Variants in PDSS2 observed in about 807,000 individuals in gnomAD.
PDSS2 encodes the protein decaprenyl diphosphate synthase subunit 2.
Under a neutral mutation model 44.5 loss-of-function variants are expected in PDSS2, and 31 were observed. The observed-to-expected ratio is 0.70, with a 90% confidence interval of 0.52 to 0.94. PDSS2 has a LOEUF of 0.94. Among genes scored for constraint, PDSS2 ranks in the 40% least tolerant of loss-of-function variants. The probability of loss-of-function intolerance (pLI) is 0.00; values close to 1 mark genes in which losing one functional copy is unlikely to be tolerated. For missense variants in PDSS2, 452 were observed against 482.2 expected, an observed-to-expected ratio of 0.94 and a Z score of 0.59; for synonymous variants, 157 against 180.3, an observed-to-expected ratio of 0.87 and a Z score of 1.03.
intron 1 of PDSS2, among the ~76,000 whole-genome samples, chr6:107,359,843 G>A (rs965232961): frequency 2.6e-5 from 4 of 151,974 alleles, no homozygotes; most frequent in African/African-American, 9.7e-5. Context: ...GGAGAGATGG[G>A]GATCTTTCAT....
intron 3 of PDSS2, among the ~76,000 whole-genome samples, chr6:107,249,964 G>T (rs1774758470): frequency 6.6e-6 from 1 of 152,112 alleles, no homozygotes; most frequent in Non-Finnish European, 1.5e-5. Context: ...TTAATTTACA[G>T]GACAAATTTC....
intron 6 of PDSS2, among the ~76,000 whole-genome samples, chr6:107,204,988 G>A (rs1161363780): frequency 6.6e-6 from 1 of 152,126 alleles, no homozygotes; most frequent in East Asian, 1.9e-4. Context: ...TACCTTCTAT[G>A]ATAGAGGATG....
chr6:107,358,108 A>T (rs1273911393), intron 1 of PDSS2, among the ~76,000 whole-genome samples: 2 of 152,202 alleles, frequency 1.3e-5, no homozygotes, highest in Non-Finnish European at 2.9e-5. Context: ...ACCTCATGTG[A>T]CAGGTTGCAG....
chr6:107,453,960 C>T (rs535725191), intron 1 of PDSS2, among the ~76,000 whole-genome samples: 1 of 152,248 alleles, frequency 6.6e-6, no homozygotes, highest in East Asian at 1.9e-4. Context: ...AGCTCATTAA[C>T]CACAAGTCAT....
intron 6 of PDSS2, among the ~76,000 whole-genome samples, chr6:107,201,584 GA>G (rs948145174): frequency 6.6e-6 from 1 of 152,098 alleles, no homozygotes; most frequent in African/African-American, 2.4e-5. Context: ...AACAAAGAAG[GA>G]TTGGATGACA....
rs538000068 is a variant in PDSS2 at position 107,260,954 on chromosome 6, G to A, written c.630+13075C>T. 5.6e-4 allele frequency among the ~76,000 whole-genome samples: 85 copies of A among 152,222 alleles called. 1 individual carries two copies. Among genetic ancestry groups the A allele is most frequent in the South Asian group, 1.9e-3 (9 of 4,816 alleles). On this transcript the variant is annotated intron_variant, in intron 3 of 7. Coordinates refer to ENST00000369037, the MANE Select transcript of PDSS2 (RefSeq NM_020381.4). ...TGGGATTACAGGCTTGAGCCATCGC[G>A]CCTGGCCCCCCCTCCATTTTCATGG...
At chr6:107,171,853 C>T (rs1554248671) in intron 7 of PDSS2, among the ~76,000 whole-genome samples, 1 of 152,128 alleles carries the variant, frequency 6.6e-6, no homozygotes, top group East Asian at 1.9e-4. Context: ...TTCCTGCCTT[C>T]ATCTACATTT....
chr6:107,254,748 C>T (rs771265398), intron 3 of PDSS2, among the ~76,000 whole-genome samples: 5 of 152,198 alleles, frequency 3.3e-5, no homozygotes, highest in Non-Finnish European at 7.3e-5. Context: ...GCTTCTTCAT[C>T]TGGAGACCCT....
chr6:107,276,776 GATAA>G (rs1775797377), intron 2 of PDSS2, among the ~76,000 whole-genome samples: 1 of 152,142 alleles, frequency 6.6e-6, no homozygotes, highest in Admixed American at 6.5e-5. Flanking sequence ...AAACAGGCTT[GATAA>G]ATGTTTTTGC....
At chr6:107,313,592 A>T (rs553894453) in intron 2 of PDSS2, among the ~76,000 whole-genome samples, 1 of 152,202 alleles carries the variant, frequency 6.6e-6, no homozygotes, top group South Asian at 2.1e-4. Flanking sequence ...ACCTCAAGTG[A>T]TCCACCTGCC....
intron 1 of PDSS2, among the ~76,000 whole-genome samples, chr6:107,447,920 C>A (rs1180638636): frequency 6.6e-6 from 1 of 152,212 alleles, no homozygotes; most frequent in Non-Finnish European, 1.5e-5. Flanking sequence ...GATTTCCAAA[C>A]CTCAATTATT....
rs60244392 is a variant in PDSS2 at position 107,405,143 on chromosome 6, G to GAA, written c.296+53845_296+53846dup. Among the ~76,000 whole-genome samples, 207 of 144,890 alleles carry GAA rather than the reference G, an allele frequency of 1.4e-3. 2 individuals carry two copies. Among genetic ancestry groups the GAA allele is most frequent in the African/African-American group, 5.0e-3 (198 of 39,598 alleles). On this transcript the variant is annotated intron_variant, in intron 1 of 7. Coordinates refer to ENST00000369037, the MANE Select transcript of PDSS2 (RefSeq NM_020381.4). ...GGATTCTAATTTTAAAATGCTTAAA[G>GAA]AAAAAAAAAAACTGTCAACTACAAA... is the stretch of plus-strand genomic sequence containing the variant.
At chr6:107,318,183 C>A (rs2430465) in intron 2 of PDSS2, among the ~76,000 whole-genome samples, 1 of 151,882 alleles carries the variant, frequency 6.6e-6, no homozygotes, top group Non-Finnish European at 1.5e-5. Context: ...GAGCGGTAAA[C>A]AGGTGGGGAG....
chr6:107,392,006 G>C (rs1231317396), intron 1 of PDSS2, among the ~76,000 whole-genome samples: 3 of 151,768 alleles, frequency 2.0e-5, no homozygotes, highest in East Asian at 1.9e-4. Flanking sequence ...TTTATAAAAA[G>C]GATTTTAGCC....
At chr6:107,380,820 C>T (rs1202735287) in intron 1 of PDSS2, among the ~76,000 whole-genome samples, 1 of 151,836 alleles carries the variant, frequency 6.6e-6, no homozygotes, top group Non-Finnish European at 1.5e-5. Flanking sequence ...CATTTTTTTC[C>T]TTGTTGTAGG....
intron 1 of PDSS2, among the ~76,000 whole-genome samples, chr6:107,433,088 A>G (rs1781242938): frequency 6.6e-6 from 1 of 152,120 alleles, no homozygotes; most frequent in Non-Finnish European, 1.5e-5. Flanking sequence ...TTTTTTTTTA[A>G]CTCATCTTAT....
At chr6:107,183,881 T>C (rs1318933336) in intron 7 of PDSS2, among the ~76,000 whole-genome samples, 4 of 143,852 alleles carry the variant, frequency 2.8e-5, no homozygotes, top group African/African-American at 1.0e-4. Flanking sequence ...GGCAACAGAG[T>C]GAGACTCCAT....
chr6:107,419,953 C>A (rs745793915), intron 1 of PDSS2, among the ~76,000 whole-genome samples: 3 of 152,174 alleles, frequency 2.0e-5, no homozygotes, highest in Non-Finnish European at 2.9e-5. Flanking sequence ...ACCACATGCA[C>A]ACAAAGTGTT....
At chr6:107,414,312 G>A (rs943884147) in intron 1 of PDSS2, among the ~76,000 whole-genome samples, 1 of 152,320 alleles carries the variant, frequency 6.6e-6, no homozygotes, top group East Asian at 1.9e-4. Flanking sequence ...CTCTCAGAAG[G>A]AGGTTCTTGA....
Sources: gnomAD v4.1 joint callset for allele counts (sites outside exome capture counted in the v4.1 genomes callset) on GRCh38, gnomAD v4.1.1 for gene constraint, MANE v1.5 for transcripts, NCBI Gene and HGNC (gene_info 2026-07-23, HGNC 2026-07-21) for gene names.